The following ULK1 variants were observed in gnomAD, a reference collection of about 807,000 sequenced individuals.
ULK1 encodes the protein serine/threonine-protein kinase ULK1.
A neutral mutation model predicts 117.5 loss-of-function variants in ULK1; 48 were observed. The ratio of observed to expected loss-of-function variants is 0.41; its 90% confidence interval spans 0.32 to 0.52. The LOEUF is 0.52. Ranked by LOEUF, ULK1 falls within the 20% of genes least tolerant of loss-of-function variation. ULK1 has a pLI of 0.29. For missense variants in ULK1, 1,387 were observed against 1,473.4 expected, an observed-to-expected ratio of 0.94 and a Z score of 0.96; for synonymous variants, 790 against 637.8, an observed-to-expected ratio of 1.24 and a Z score of -3.60.
In ULK1 at chr12:131,916,426, C is replaced by T. The variant is rs537001043; in HGVS notation, c.1907C>T (p.Thr636Ile). The stretch of plus-strand genomic sequence containing the variant: ...GTGCCCTCCTTTGACTTCCCGAAGA[C>T]CCCCAGCTCCCAGAACCTGCTGGCC... ...KAVPSFDFPK[T>I]PSSQNLLALL... Residue 636 changes from threonine (T) to isoleucine (I), a missense_variant, in exon 20 of 28, where the codon ACC becomes ATC. By Grantham distance (89) the Thr-to-Ile change is moderately conservative. Around this residue, in one of 4 missense-constraint regions of ULK1, gnomAD observed 900 missense variants for 858.9 expected, o/e 1.05. Coordinates refer to ENST00000321867, the MANE Select transcript of ULK1 (RefSeq NM_003565.4). 7.5e-6 allele frequency: 12 copies of T among 1,599,446 alleles called. No homozygotes were observed. Among genetic ancestry groups the T allele is most frequent in the South Asian group, 5.5e-5 (5 of 90,164 alleles).
chr12:131,921,340 G>T lies in ULK1; in HGVS notation c.3132G>T (p.Leu1044=). 1.2e-6 allele frequency: 2 copies of T among 1,605,254 alleles called. No homozygotes were observed. The highest frequency in any genetic ancestry group is 1.1e-5 in the South Asian group (1 of 91,088). The part of the protein sequence containing the change: ...KLCIERRLSA[L]LTGICA ...GCATTGAGCGGAGACTCTCGGCGCT[G>T]CTGACTGGCATCTGTGCCTGACCTT... Residue 1044 remains leucine, a synonymous_variant, in exon 28 of 28, where the codon CTG becomes CTT. Coordinates refer to ENST00000321867, the MANE Select transcript of ULK1 (RefSeq NM_003565.4).
chr12:131,907,189 T>C (rs1386617984), intron 4 of ULK1, among the ~76,000 whole-genome samples: 2 of 152,120 alleles, frequency 1.3e-5, no homozygotes, highest in African/African-American at 4.8e-5. Flanking sequence ...CCGGCTAATT[T>C]TTATACTTTT....
intron 23 of ULK1, 23 bp from the exon 24 acceptor site, chr12:131,919,189 G>T (rs375207880): frequency 1.6e-5 from 25 of 1,579,486 alleles, no homozygotes; most frequent in Non-Finnish European, 2.1e-5. Context: ...AGCACTTGCC[G>T]CCCTGACGGC....
chr12:131,917,476 TC>T lies in ULK1; in HGVS notation c.2252del (p.Pro751ArgfsTer73). The T allele has an allele frequency of 6.6e-7, 1 of 1,507,068 alleles. No homozygotes were observed. Among genetic ancestry groups the T allele is most frequent in the Non-Finnish European group, 8.9e-7 (1 of 1,127,146 alleles). 93.4% of individuals were successfully genotyped at this position (1,507,068 alleles called of 1,614,324 possible). A position where few individuals can be genotyped will look rare whatever the true frequency, so the allele number is the denominator to read the frequency against. On this transcript the variant is annotated frameshift_variant, in exon 22 of 28. Transcript: ENST00000321867. LOFTEE classifies it high-confidence loss of function. Reference sequence around the variant, plus strand: ...CCGTGCTGGGGGCACCAGCAGCCCTTCCCCGGTGGTCTTCACCGTGGGCTCT... The same window carrying T: ...CCGTGCTGGGGGCACCAGCAGCCCTTCCCGGTGGTCTTCACCGTGGGCTCT... ...GARAGGTSSP[S>X]PVVFTVGSPP...
At chr12:131,920,748 A>G in intron 26 of ULK1, 1 of 273,972 alleles carries the variant, frequency 3.7e-6, no homozygotes, top group Non-Finnish European at 6.9e-6. Context: ...TTAAGCATGT[A>G]GTAAAAATCC....
rs1888793073 is a variant in ULK1 at position 131,894,854 on chromosome 12, G to A, written c.-148G>A. The stretch of plus-strand genomic sequence containing the variant: ...GACCCGGCCCCGGCCTGCCCGATGG[G>A]GCGCGCGGCCCCGGAGATGCGCCCT... On this transcript the variant is annotated 5_prime_UTR_variant, in exon 1 of 28. Transcript: ENST00000321867. The A allele has an allele frequency of 5.8e-6, 1 of 172,250 alleles. No homozygotes were observed. The highest frequency in any genetic ancestry group is 2.5e-5 in the African/African-American group (1 of 40,662). 10.7% of individuals were successfully genotyped at this position (172,250 alleles called of 1,614,324 possible).
intron 3 of ULK1, among the ~76,000 whole-genome samples, chr12:131,905,600 C>T (rs1362300039): frequency 6.6e-6 from 1 of 152,158 alleles, no homozygotes; most frequent in African/African-American, 2.4e-5. Flanking sequence ...GTGGAAAGGG[C>T]TTCCTCCTCC....
In ULK1 at chr12:131,923,032, A is replaced by C. The variant is rs1890216481; in HGVS notation, c.*1671A>C. 6.6e-6 allele frequency: 1 copy of C among 152,216 alleles called. No individual in the cohort carries two copies. Among genetic ancestry groups the C allele is most frequent in the South Asian group, 2.1e-4 (1 of 4,826 alleles). The allele number at this position is 152,216 out of a possible 1,614,324, so 9.4% of individuals were successfully genotyped here. A position where few individuals can be genotyped will look rare whatever the true frequency, so the allele number is the denominator to read the frequency against. ...GCGCCTCAACTGCTGCCCCTGGTTG[A>C]ATGTTCTCTTGATAGTGCTGGACCC... is the stretch of plus-strand genomic sequence containing the variant. On this transcript the variant is annotated 3_prime_UTR_variant, in exon 28 of 28. Coordinates refer to ENST00000321867, the MANE Select transcript of ULK1 (RefSeq NM_003565.4).
chr12:131,915,287 G>A lies in ULK1; in HGVS notation c.1523-48G>A, dbSNP rs368324793. On this transcript the variant is annotated intron_variant, in intron 17 of 27. Coordinates refer to ENST00000321867, the MANE Select transcript of ULK1 (RefSeq NM_003565.4). ...GCGTCTGTAGGCAGTGGGTGAGGAG[G>A]CTGTCTCTGTCCCAGCTGGACCCTG... 70 of 1,610,102 alleles carry A rather than the reference G, an allele frequency of 4.3e-5. No homozygotes were observed. The African/African-American group carries it at 8.3e-4, about 19-fold the overall frequency.
Position 131,917,011 on chromosome 12 carries a change from G to A in ULK1, c.2131G>A (p.Ala711Thr). ...CCTTAAGGCGGCGTTTGGGACACAA[G>A]CCCCGGACCCGGGCAGCACGGAGAG... Reference protein sequence around the residue: ...LLLKAAFGTQAPDPGSTESLQ... With the variant: ...LLLKAAFGTQTPDPGSTESLQ... The change falls in exon 21 of 28, where the codon GCC becomes ACC. Residue 711 changes from alanine to threonine, a missense_variant. This residue lies in a region of ULK1 where 900 missense variants were observed against 858.9 expected (regional missense o/e 1.05). Transcript: ENST00000321867. 6.2e-7 allele frequency: 1 copy of A among 1,611,050 alleles called. No individual in the cohort carries two copies. Among genetic ancestry groups the A allele is most frequent in the Non-Finnish European group, 8.5e-7 (1 of 1,179,442 alleles).
intron 25 of ULK1, 136 bp downstream of exon 25, chr12:131,919,726 C>A: frequency 2.7e-6 from 3 of 1,124,250 alleles, no homozygotes; most frequent in Non-Finnish European, 3.8e-6. Flanking sequence ...GGGGCCTGGC[C>A]CAGTGTGCAG....
intron 3 of ULK1, among the ~76,000 whole-genome samples, chr12:131,904,846 C>T (rs1007059765): frequency 6.6e-6 from 1 of 152,074 alleles, no homozygotes; most frequent in Non-Finnish European, 1.5e-5. Context: ...GTGGGCATGG[C>T]CGTCCTGAAG....
chr12:131,908,386 G>A (rs1308343054), intron 5 of ULK1, among the ~76,000 whole-genome samples: 2 of 152,104 alleles, frequency 1.3e-5, no homozygotes, highest in Non-Finnish European at 2.9e-5. Flanking sequence ...GGGCTTCGGC[G>A]GCCTCCCGTC....
In ULK1 at chr12:131,919,374, C is replaced by A; in HGVS notation, c.2674C>A (p.Arg892=). 1 of 1,402,244 alleles carries A rather than the reference C, an allele frequency of 7.1e-7. No individual in the cohort carries two copies. 86.9% of individuals were successfully genotyped at this position (1,402,244 alleles called of 1,614,324 possible). The part of the protein sequence containing the change: ...VVADQISLLS[R]EWGFAEQLVL... ...GGCCGACCAGATCAGCCTGCTGAGC[C>A]GAGAATGGGGGTGGGTGCCGCCAGG... Residue 892 remains arginine, a synonymous_variant, in exon 24 of 28, where the codon CGA becomes AGA. Transcript: ENST00000321867.
intron 3 of ULK1, among the ~76,000 whole-genome samples, chr12:131,896,119 C>T (rs1566111579): frequency 6.6e-6 from 1 of 152,220 alleles, no homozygotes; most frequent in South Asian, 2.1e-4. Flanking sequence ...CTGCCTGAGT[C>T]CGGCGTCCCC....
rs202132941 is a variant in ULK1 at position 131,915,987 on chromosome 12, A to C, written c.1706A>C (p.Lys569Thr). ...NLSDLHVVRP[K>T]LPKPPTDPLG... The stretch of plus-strand genomic sequence containing the variant: ...TCTGACTTGCACGTCGTCCGCCCCA[A>C]GCTGCCCAAACCCCCCACGGACCCC... Residue 569 changes from lysine to threonine, a missense_variant, in exon 19 of 28, where the codon AAG (lysine) becomes ACG (threonine). Transcript: ENST00000321867. 1 of 1,612,304 alleles carries C rather than the reference A, an allele frequency of 6.2e-7. No homozygotes were observed. Among genetic ancestry groups the C allele is most frequent in the Admixed American group, 1.7e-5 (1 of 59,974 alleles).
In ULK1 at chr12:131,915,382, C is replaced by T. The variant is rs980870429; in HGVS notation, c.1570C>T (p.Gln524Ter). The change falls in exon 18 of 28, where the codon CAG (glutamine) becomes TAG (stop). Residue 524 changes from glutamine to a stop codon, truncating the protein, a stop_gained. Coordinates refer to ENST00000321867, the MANE Select transcript of ULK1 (RefSeq NM_003565.4). LOFTEE classifies it high-confidence loss of function. ...RPGWSGTPSP[Q>*]GAEMRGGRSP... ...AGGCTGGAGCGGGACGCCCTCCCCA[C>T]AGGGAGCTGAGATGCGGGGTGGCAG... 1 of 1,612,684 alleles carries T rather than the reference C, an allele frequency of 6.2e-7. No individual in the cohort carries two copies. The highest frequency in any genetic ancestry group is 1.3e-5 in the African/African-American group (1 of 74,956).
At position 131,915,994 on chromosome 12, in the gene ULK1, C is replaced by G; in HGVS notation, c.1713C>G (p.Pro571=). The change falls in exon 19 of 28, where the codon CCC becomes CCG. Residue 571 remains proline, a synonymous_variant. Transcript: ENST00000321867. ...TGCACGTCGTCCGCCCCAAGCTGCC[C>G]AAACCCCCCACGGACCCCCTGGGAG... ...SDLHVVRPKL[P]KPPTDPLGAV... 1 of 1,612,436 alleles carries G rather than the reference C, an allele frequency of 6.2e-7. No individual in the cohort carries two copies. The highest frequency in any genetic ancestry group is 1.1e-5 in the South Asian group (1 of 91,062).
chr12:131,913,836 G>A lies in ULK1; in HGVS notation c.1247G>A (p.Gly416Asp). Residue 416 changes from glycine (G) to aspartate (D), a missense_variant and splice_region_variant, in exon 15 of 28, where the codon GGC (glycine) becomes GAC (aspartate). Gly to Asp is a moderately conservative substitution (Grantham distance 94). Around this residue, in one of 4 missense-constraint regions of ULK1, gnomAD observed 260 missense variants for 271.6 expected, o/e 0.96. Coordinates refer to ENST00000321867, the MANE Select transcript of ULK1 (RefSeq NM_003565.4). ...TGCAGCAGCTCCCCCAGTCCCTCAG[G>A]GTAAGCAGGGCCCCAGGCTGGGTGG... The part of the protein sequence containing the change: ...PPCSSSPSPS[G>D]RAGPFSSSRC... 6.6e-7 allele frequency: 1 copy of A among 1,525,740 alleles called. No individual in the cohort carries two copies. The highest frequency in any genetic ancestry group is 8.8e-7 in the Non-Finnish European group (1 of 1,137,800). 94.5% of individuals were successfully genotyped at this position (1,525,740 alleles called of 1,614,324 possible).
Sources: gnomAD v4.1 joint callset for allele counts (sites outside exome capture counted in the v4.1 genomes callset) on GRCh38, gnomAD v4.1.1 for gene constraint, gnomAD v4.1.1 regional missense constraint, MANE v1.5 for transcripts, NCBI Gene and HGNC (gene_info 2026-07-23, HGNC 2026-07-21) for gene names.